Variants in ITPRID1 observed in about 807,000 individuals in gnomAD.
ITPRID1 encodes the protein protein ITPRID1.
ITPRID1 carries 96 observed loss-of-function variants against 95.4 expected under a neutral mutation model. That is an observed-to-expected ratio of 1.01 (90% confidence interval 0.85 to 1.19). ITPRID1 has a LOEUF of 1.19. Ranked by LOEUF, ITPRID1 falls within the 50% of genes most tolerant of loss-of-function variation. ITPRID1 has a pLI of 0.00. For synonymous variants in ITPRID1, 510 were observed against 453.6 expected, an observed-to-expected ratio of 1.12 and a Z score of -1.58; for missense variants, 1,339 against 1,252.9, an observed-to-expected ratio of 1.07 and a Z score of -1.04.
downstream of ITPRID1, chr7:31,658,339 G>T: frequency 6.6e-7 from 1 of 1,519,208 alleles, no homozygotes; most frequent in East Asian, 2.5e-5. Flanking sequence ...TGCTAAAGAT[G>T]AAAAAATAAA....
intron 10 of ITPRID1, among the ~76,000 whole-genome samples, chr7:31,629,672 C>T (rs891241056): frequency 6.6e-6 from 1 of 152,110 alleles, no homozygotes; most frequent in Non-Finnish European, 1.5e-5. Context: ...GCTCACTCAC[C>T]TCTCAAAAAG....
chr7:31,609,737 A>C (rs1450894733), intron 10 of ITPRID1, among the ~76,000 whole-genome samples: 1 of 151,380 alleles, frequency 6.6e-6, no homozygotes, highest in African/African-American at 2.4e-5. Flanking sequence ...TCAAAGAAAA[A>C]CTTCTTTTTT....
At chr7:31,529,114 G>T (rs563927399) in intron 1 of ITPRID1, among the ~76,000 whole-genome samples, 8 of 152,254 alleles carry the variant, frequency 5.3e-5, no homozygotes, top group African/African-American at 1.9e-4. Flanking sequence ...AAGACTGACT[G>T]TTAGTTCTTA....
chr7:31,632,241 G>A lies in ITPRID1; in HGVS notation c.1229-9935G>A, dbSNP rs377580178. ...AGGCAGGTGGATCATGAGGTCAGGCGATCAAGACCATCCTGGCTAACACGG... is the reference window on the plus strand; with the variant it reads ...AGGCAGGTGGATCATGAGGTCAGGCAATCAAGACCATCCTGGCTAACACGG... On this transcript the variant is annotated intron_variant, in intron 10 of 14. Coordinates refer to ENST00000615280, the MANE Select transcript of ITPRID1 (RefSeq NM_001257967.3). 3.3e-5 allele frequency among the ~76,000 whole-genome samples: 5 copies of A among 152,198 alleles called. No individual in the cohort carries two copies. In the Middle Eastern group the frequency reaches 0.01, roughly 311 times the overall value.
intron 10 of ITPRID1, among the ~76,000 whole-genome samples, chr7:31,619,580 T>G (rs1168831142): frequency 1.3e-5 from 2 of 152,060 alleles, no homozygotes; most frequent in Non-Finnish European, 2.9e-5. Context: ...AATGGTCAAG[T>G]AAGTTTGTAA....
chr7:31,539,749 A>G (rs1009600024), intron 1 of ITPRID1, among the ~76,000 whole-genome samples: 1 of 152,192 alleles, frequency 6.6e-6, no homozygotes, highest in South Asian at 2.1e-4. Flanking sequence ...TTAAGGGTTC[A>G]GGATGAGACA....
chr7:31,576,495 A>G lies in ITPRID1; in HGVS notation c.599-1368A>G, dbSNP rs190867080. 2.2e-4 allele frequency among the ~76,000 whole-genome samples: 34 copies of G among 152,334 alleles called. No individual in the cohort carries two copies. The East Asian group carries it at 6.2e-3, about 28-fold the overall frequency. ...ATCATAAAAGTTGAATTATCATTCA[A>G]TTGTACCCTCTGATCGCAAAAGAGA... On this transcript the variant is annotated intron_variant, in intron 8 of 14. Coordinates refer to ENST00000615280, the MANE Select transcript of ITPRID1 (RefSeq NM_001257967.3).
At chr7:31,523,089 G>A (rs897997831) in intron 1 of ITPRID1, among the ~76,000 whole-genome samples, 2 of 152,182 alleles carry the variant, frequency 1.3e-5, no homozygotes, top group Admixed American at 6.5e-5. Flanking sequence ...AAAGCACTCA[G>A]CACAGTGCCT....
chr7:31,563,796 C>T (rs1291214343), intron 5 of ITPRID1, among the ~76,000 whole-genome samples: 1 of 152,038 alleles, frequency 6.6e-6, no homozygotes, highest in Non-Finnish European at 1.5e-5. Flanking sequence ...TCAAAGATAT[C>T]TGGAAATAAA....
intron 10 of ITPRID1, among the ~76,000 whole-genome samples, chr7:31,591,308 G>T (rs565436167): frequency 6.6e-6 from 1 of 152,228 alleles, no homozygotes; most frequent in East Asian, 1.9e-4. Flanking sequence ...AATATTTGAT[G>T]ACAGTGGACA....
At chr7:31,600,571 G>A (rs1470564522) in intron 10 of ITPRID1, among the ~76,000 whole-genome samples, 1 of 152,198 alleles carries the variant, frequency 6.6e-6, no homozygotes, top group African/African-American at 2.4e-5. Flanking sequence ...AGAAAGCCAA[G>A]TGCGTTGCAT....
chr7:31,623,330 A>ATGAACAT (rs1395361549), intron 10 of ITPRID1, among the ~76,000 whole-genome samples: 2 of 152,090 alleles, frequency 1.3e-5, no homozygotes, highest in African/African-American at 4.8e-5. Flanking sequence ...AATATCCTTG[A>ATGAACAT]TGAACATTGA....
chr7:31,580,175 G>C (rs1335415812), intron 9 of ITPRID1, among the ~76,000 whole-genome samples: 1 of 151,598 alleles, frequency 6.6e-6, no homozygotes, highest in Non-Finnish European at 1.5e-5. Flanking sequence ...GAGGGTGCCT[G>C]TAATCCCAGC....
At chr7:31,636,702 C>G (rs1789511856) in intron 10 of ITPRID1, among the ~76,000 whole-genome samples, 1 of 151,582 alleles carries the variant, frequency 6.6e-6, no homozygotes, top group Non-Finnish European at 1.5e-5. Context: ...GGCCCAGAAG[C>G]ACATAAAGGG....
intron 1 of ITPRID1, among the ~76,000 whole-genome samples, chr7:31,530,445 ATT>A (rs1324044276): frequency 6.6e-6 from 1 of 152,220 alleles, no homozygotes; most frequent in Non-Finnish European, 1.5e-5. Context: ...GCCCAGTGAC[ATT>A]TGAGTTTTAG....
intron 10 of ITPRID1, among the ~76,000 whole-genome samples, chr7:31,600,219 A>G (rs1786334515): frequency 6.6e-6 from 1 of 152,220 alleles, no homozygotes; most frequent in Non-Finnish European, 1.5e-5. Context: ...AAGAGTTCAT[A>G]TAAGCTAATG....
At chr7:31,570,151 AATTG>A (rs1395334001) in intron 6 of ITPRID1, among the ~76,000 whole-genome samples, 1 of 152,222 alleles carries the variant, frequency 6.6e-6, no homozygotes, top group Non-Finnish European at 1.5e-5. Context: ...TGGCTAATGT[AATTG>A]ATTATTATTC....
intron 1 of ITPRID1, among the ~76,000 whole-genome samples, chr7:31,519,616 C>CTATATA (rs1340353008): frequency 9.1e-4 from 35 of 38,464 alleles, no homozygotes; most frequent in African/African-American, 2.2e-3. Context: ...CTCTCTCTCT[C>CTATATA]TCTCTATATA....
rs1554280114 is a variant in ITPRID1 at position 31,521,615 on chromosome 7, T to TTTTCC, written c.-98+7497_-98+7498insTCCTT. ...TTTCAGTTTGTCCAGCTTTTTCTCC[T>TTTTCC]TTCCCTCCTTCCTTCCTTCCTTCCT... On this transcript the variant is annotated intron_variant, in intron 1 of 14. Transcript: ENST00000615280. 5.8e-4 allele frequency among the ~76,000 whole-genome samples: 71 copies of TTTTCC among 121,930 alleles called. 1 individual carries two copies. The highest frequency in any genetic ancestry group is 1.5e-3 in the East Asian group (6 of 3,926). 80.0% of individuals were successfully genotyped at this position (121,930 alleles called of 152,430 possible).
Sources: gnomAD v4.1 joint callset for allele counts (sites outside exome capture counted in the v4.1 genomes callset) on GRCh38, gnomAD v4.1.1 for gene constraint, MANE v1.5 for transcripts, NCBI Gene and HGNC (gene_info 2026-07-23, HGNC 2026-07-21) for gene names.